ZNF462: variants seen among roughly 807,000 people sequenced by gnomAD.
ZNF462 encodes zinc finger PBX1-interacting protein.
ZNF462 carries 10 observed loss-of-function variants against 201.9 expected under a neutral mutation model. The ratio of observed to expected loss-of-function variants is 0.05; its 90% CI spans 0.03 to 0.08. The LOEUF (loss-of-function observed/expected upper bound fraction) is 0.08. Among genes scored for constraint, ZNF462 ranks in the 10% least tolerant of loss-of-function variants. The probability of loss-of-function intolerance (pLI) is 1.00; values close to 1 mark genes in which losing one functional copy is unlikely to be tolerated. For missense variants in ZNF462, 2,523 were observed against 3,168.3 expected, an observed-to-expected ratio of 0.80 and a Z score of 4.89; for synonymous variants, 1,227 against 1,193.3, an observed-to-expected ratio of 1.03 and a Z score of -0.58.
In ZNF462 at chr9:107,012,710, TG is replaced by T. The variant is rs1409481695; in HGVS notation, c.*1681del. On this transcript the variant is annotated 3_prime_UTR_variant, in exon 13 of 13. Transcript: ENST00000277225. Reference sequence around the variant, plus strand: ...GCACGTGTGAATCCTTTGGTTTTCATGTTTTTTTTTTTTTTTTTTTACTTGG... The same window carrying T: ...GCACGTGTGAATCCTTTGGTTTTCATTTTTTTTTTTTTTTTTTTTACTTGG... The T allele has an allele frequency of 3.7e-4, 44 of 118,644 alleles. 1 individual carries two copies. The highest frequency in any genetic ancestry group is 3.2e-3 in the South Asian group (12 of 3,754). 7.3% of individuals were successfully genotyped at this position (118,644 alleles called of 1,614,324 possible). A position where few individuals can be genotyped will look rare whatever the true frequency, so the allele number is the denominator to read the frequency against.
At position 107,010,901 on chromosome 9, in the gene ZNF462, C is replaced by T. The variant is rs1342291025; in HGVS notation, c.7392C>T (p.Pro2464=). ...TCATGGAGAACAGTGTTAAAATGCCCTCCATAGAGGAAAAGGAAGATGACG... is the reference window on the plus strand; with the variant it reads ...TCATGGAGAACAGTGTTAAAATGCCTTCCATAGAGGAAAAGGAAGATGACG... The part of the protein sequence containing the change: ...KEIMENSVKM[P]SIEEKEDDEA... Residue 2464 remains proline, a synonymous_variant, in exon 13 of 13, where the codon CCC becomes CCT. Transcript: ENST00000277225. The surrounding 1 kb of genome is among the most constrained non-coding windows in gnomAD (Gnocchi z 4.6). 11 of 1,613,486 alleles carry T rather than the reference C, an allele frequency of 6.8e-6. No individual in the cohort carries two copies. Among genetic ancestry groups the T allele is most frequent in the African/African-American group, 5.3e-5 (4 of 74,870 alleles).
chr9:106,927,452 C>T lies in ZNF462; in HGVS notation c.3540C>T (p.Ser1180=), dbSNP rs201073327. The part of the protein sequence containing the change: ...PAPIQQLNRS[S]SERDGPPVEN... The stretch of plus-strand genomic sequence containing the variant: ...CCATACAACAGCTGAACCGAAGCAG[C>T]TCTGAGAGAGATGGCCCTCCTGTGG... Residue 1180 remains serine (S), a synonymous_variant, in exon 3 of 13, where the codon AGC becomes AGT. Coordinates refer to ENST00000277225, the MANE Select transcript of ZNF462 (RefSeq NM_021224.6). 23 of 1,613,910 alleles carry T rather than the reference C, an allele frequency of 1.4e-5. No individual in the cohort carries two copies. In the East Asian group the frequency reaches 5.1e-4, roughly 36 times the overall value.
rs1302362992 is a variant in ZNF462, at chr9:106,927,952, C to T, written c.4040C>T (p.Thr1347Ile). The T allele has an allele frequency of 6.2e-7, 1 of 1,614,180 alleles. No homozygotes were observed. The highest frequency in any genetic ancestry group is 1.1e-5 in the South Asian group (1 of 91,080). Residue 1347 changes from threonine to isoleucine, a missense_variant, in exon 3 of 13, where the codon ACT becomes ATT. Around this residue, in one of 15 missense-constraint regions of ZNF462, gnomAD observed 222 missense variants for 271.6 expected, o/e 0.82. Transcript: ENST00000277225. ...EHYVDYTYMA[T>I]KLWAGPDPSP... Reference sequence around the variant, plus strand: ...TATGTTGATTACACCTACATGGCTACTAAACTGTGGGCTGGGCCAGACCCA... The same window carrying T: ...TATGTTGATTACACCTACATGGCTATTAAACTGTGGGCTGGGCCAGACCCA...
At chr9:106,896,865 T>G (rs1828834714) in intron 1 of ZNF462, among the ~76,000 whole-genome samples, 1 of 152,252 alleles carries the variant, frequency 6.6e-6, no homozygotes, top group Admixed American at 6.5e-5. Context: ...TGGCTGTGCC[T>G]CTTTTCTTCA....
At chr9:106,896,981 A>C (rs758240808) in intron 1 of ZNF462, among the ~76,000 whole-genome samples, 1 of 152,240 alleles carries the variant, frequency 6.6e-6, no homozygotes, top group Admixed American at 6.5e-5. Context: ...CCAACCATTC[A>C]TGAACCTGGG....
intron 1 of ZNF462, among the ~76,000 whole-genome samples, chr9:106,891,722 G>A (rs756587627): frequency 1.3e-5 from 2 of 152,094 alleles, no homozygotes; most frequent in Non-Finnish European, 2.9e-5. Context: ...AAAAGGTGAC[G>A]TTTCTTGATA....
rs1830211074 is a variant in ZNF462 at position 106,926,796 on chromosome 9, T to C, written c.2884T>C (p.Tyr962His). The change falls in exon 3 of 13, where the codon TAT becomes CAT. Residue 962 changes from tyrosine to histidine, a missense_variant. Tyr to His is a moderately conservative substitution (Grantham distance 83, BLOSUM62 2). Transcript: ENST00000277225. This position sits in a 1 kb window ranked among gnomAD's most constrained non-coding sequence, Gnocchi z 7.9. ...KINNAMIFSS[Y>H]VVEQQEGLNT... ...CAACAACGCGATGATATTTTCAAGC[T>C]ATGTCGTGGAGCAGCAGGAAGGGCT... The C allele has an allele frequency of 1.2e-6, 2 of 1,614,018 alleles. No homozygotes were observed.
In ZNF462 at chr9:106,927,880, A is replaced by G; in HGVS notation, c.3968A>G (p.Glu1323Gly). Reference protein sequence around the residue: ...HCEWCIYSHTEPNGLLLHYQR... With the variant: ...HCEWCIYSHTGPNGLLLHYQR... ...GAGTGGTGCATCTACTCCCATACGG[A>G]GCCCAACGGTTTGCTCCTGCATTAC... is the stretch of plus-strand genomic sequence containing the variant. The change falls in exon 3 of 13, where the codon GAG (glutamate) becomes GGG (glycine). Residue 1323 changes from glutamate to glycine, a missense_variant. By Grantham distance (98) the Glu-to-Gly change is moderately conservative. Coordinates refer to ENST00000277225, the MANE Select transcript of ZNF462 (RefSeq NM_021224.6). 6.2e-7 allele frequency: 1 copy of G among 1,614,190 alleles called. No individual in the cohort carries two copies. The highest frequency in any genetic ancestry group is 8.5e-7 in the Non-Finnish European group (1 of 1,180,050).
At position 106,872,301 on chromosome 9, in the gene ZNF462, T is replaced by C. The variant is rs192283131; in HGVS notation, c.-31+8946T>C. On this transcript the variant is annotated intron_variant, in intron 1 of 12. Coordinates refer to ENST00000277225, the MANE Select transcript of ZNF462 (RefSeq NM_021224.6). This position sits in a 1 kb window ranked among gnomAD's most constrained non-coding sequence, Gnocchi z 4.5. ...GGTTTCTATCTTAAATAGTCTTCTC[T>C]GAAGACTAATTAGTATTTGATAACA... Among the ~76,000 whole-genome samples the C allele has an allele frequency of 6.4e-3, 969 of 152,358 alleles. 2 individuals carry two copies. The highest frequency in any genetic ancestry group is 0.01 in the Non-Finnish European group (712 of 68,034).
Position 107,005,173 on chromosome 9 carries a change from C to T in ZNF462, c.7189+1747C>T, listed in dbSNP as rs185091959. Among the ~76,000 whole-genome samples, 3 of 152,062 alleles carry T rather than the reference C, an allele frequency of 2.0e-5. No homozygotes were observed. The highest frequency in any genetic ancestry group is 4.4e-5 in the Non-Finnish European group (3 of 67,998). On this transcript the variant is annotated intron_variant, in intron 11 of 12. Transcript: ENST00000277225. The surrounding 1 kb of genome is among the most constrained non-coding windows in gnomAD (Gnocchi z 4.4). Reference sequence around the variant, plus strand: ...TTATTATGAATAACCCTGCAGTGAACGTGAGAGTGCAGATATTTCTTCAAT... The same window carrying T: ...TTATTATGAATAACCCTGCAGTGAATGTGAGAGTGCAGATATTTCTTCAAT...
At chr9:106,888,600 C>A (rs1481151864) in intron 1 of ZNF462, among the ~76,000 whole-genome samples, 1 of 152,100 alleles carries the variant, frequency 6.6e-6, no homozygotes, top group Non-Finnish European at 1.5e-5. Context: ...TCTTTTTTGG[C>A]GTCTTCAGTA....
intron 9 of ZNF462, chr9:106,975,544 A>G (rs1445981454): frequency 6.6e-6 from 1 of 152,198 alleles, no homozygotes; most frequent in Non-Finnish European, 1.5e-5. Context: ...TAGGATGTCC[A>G]CCTGCAAGCT....
Position 106,972,026 on chromosome 9 carries a change from C to G in ZNF462, c.6449C>G (p.Pro2150Arg). The G allele has an allele frequency of 1.9e-6, 3 of 1,614,108 alleles. No individual in the cohort carries two copies. Among genetic ancestry groups the G allele is most frequent in the Non-Finnish European group, 2.5e-6 (3 of 1,179,974 alleles). ...ACAGACTCATCATATTCAGAGCCCC[C>G]AGATGTTCAGCAGCAGTTGAACCAC... ...DSNDSSYSEPPDVQQQLNHYQ... is the reference protein window; with the variant it reads ...DSNDSSYSEPRDVQQQLNHYQ... Residue 2150 changes from proline (P) to arginine (R), a missense_variant, in exon 8 of 13, where the codon CCA (proline) becomes CGA (arginine). Physicochemically the swap from Pro to Arg is moderately radical, Grantham distance 103 (BLOSUM62 -2). Transcript: ENST00000277225. This position sits in a 1 kb window ranked among gnomAD's most constrained non-coding sequence, Gnocchi z 4.8.
rs1265653105 is a variant in ZNF462, at chr9:107,012,070, A to G, written c.*1040A>G. 1 of 91,222 alleles carries G rather than the reference A, an allele frequency of 1.1e-5. No homozygotes were observed. The highest frequency in any genetic ancestry group is 3.8e-5 in the African/African-American group (1 of 26,482). 5.7% of individuals were successfully genotyped at this position (91,222 alleles called of 1,614,324 possible). A position where few individuals can be genotyped will look rare whatever the true frequency, so the allele number is the denominator to read the frequency against. ...GTTTTTTGTGAATAGGAATGTTTTT[A>G]TTTTAAACATGGAAATAACAAAGAA... On this transcript the variant is annotated 3_prime_UTR_variant, in exon 13 of 13. Transcript: ENST00000277225.
chr9:106,991,818 C>G (rs1276413200), intron 10 of ZNF462, among the ~76,000 whole-genome samples: 1 of 147,808 alleles, frequency 6.8e-6, no homozygotes, highest in Non-Finnish European at 1.5e-5. Flanking sequence ...GATTATGACC[C>G]TTGACCTTTA....
At chr9:106,987,020 GATA>G (rs1355665453) in intron 10 of ZNF462, among the ~76,000 whole-genome samples, 10 of 147,578 alleles carry the variant, frequency 6.8e-5, no homozygotes, top group African/African-American at 2.5e-4. Context: ...TAGATAGATA[GATA>G]GATAGATAGA....
chr9:107,007,840 A>G (rs1455289942), intron 11 of ZNF462, among the ~76,000 whole-genome samples: 1 of 152,116 alleles, frequency 6.6e-6, no homozygotes, highest in African/African-American at 2.4e-5. Context: ...GGAACTTAGT[A>G]TGTGCCATTG....
chr9:106,939,208 A>C, intron 7 of ZNF462, 101 bp downstream of exon 7: 3 of 1,237,780 alleles, frequency 2.4e-6, no homozygotes, highest in Non-Finnish European at 3.3e-6. Flanking sequence ...ATGTGAAAAC[A>C]TGATGGTTCA....
chr9:107,013,357 G>A lies in ZNF462; in HGVS notation c.*2327G>A, dbSNP rs1333186361. On this transcript the variant is annotated 3_prime_UTR_variant, in exon 13 of 13. Transcript: ENST00000277225. ...TAATTCTGTTGACTGTAATGACATAGAATTTACAACATTTTTTGTTGTTGT... is the reference window on the plus strand; with the variant it reads ...TAATTCTGTTGACTGTAATGACATAAAATTTACAACATTTTTTGTTGTTGT... 1.3e-5 allele frequency: 2 copies of A among 152,080 alleles called. No individual in the cohort carries two copies. The highest frequency in any genetic ancestry group is 4.8e-5 in the African/African-American group (2 of 41,426). The allele number at this position is 152,080 out of a possible 1,614,324, so 9.4% of individuals were successfully genotyped here.
Sources: gnomAD v4.1 joint callset for allele counts (sites outside exome capture counted in the v4.1 genomes callset) on GRCh38, gnomAD v4.1.1 for gene constraint, gnomAD v4.1.1 regional missense constraint, Gnocchi (gnomAD v3.1) non-coding constraint, MANE v1.5 for transcripts, NCBI Gene and HGNC (gene_info 2026-07-23, HGNC 2026-07-21) for gene names.